Variants in KCNU1 observed in about 807,000 individuals in gnomAD.
The protein encoded by KCNU1 is potassium channel subfamily U member 1.
Under a neutral mutation model 126.8 loss-of-function variants are expected in KCNU1, and 93 were observed. The observed-to-expected ratio is 0.73, with a 90% CI of 0.62 to 0.87. The LOEUF (loss-of-function observed/expected upper bound fraction) is 0.87. Among genes scored for constraint, KCNU1 ranks in the 40% least tolerant of loss-of-function variants. The pLI, the probability that KCNU1 is intolerant of heterozygous loss-of-function variation, is 0.00. For synonymous variants in KCNU1, 523 were observed against 494.2 expected (o/e 1.06, Z -0.77); for missense variants, 1,330 against 1,367.1 (o/e 0.97, Z 0.43).
chr8:36,925,257 T>C (rs1053359620), intron 24 of KCNU1, among the ~76,000 whole-genome samples: 1 of 152,186 alleles, frequency 6.6e-6, no homozygotes, highest in African/African-American at 2.4e-5. Flanking sequence ...GATCATCAGC[T>C]TCGCCTTCAG....
At chr8:36,822,682 A>G (rs941699188) in intron 10 of KCNU1, among the ~76,000 whole-genome samples, 2 of 152,212 alleles carry the variant, frequency 1.3e-5, no homozygotes, top group Non-Finnish European at 2.9e-5. Flanking sequence ...TGCATGCAAG[A>G]AAAACTATGA....
At chr8:36,817,571 C>A in intron 9 of KCNU1, 79 bp from the exon 10 acceptor site, 1 of 649,760 alleles carries the variant, frequency 1.5e-6, no homozygotes, top group Non-Finnish European at 2.8e-6. Context: ...AAGTTTAAGC[C>A]AATTATTTAT....
At chr8:36,933,779 C>A (rs1808774057) in intron 26 of KCNU1, among the ~76,000 whole-genome samples, 1 of 151,942 alleles carries the variant, frequency 6.6e-6, no homozygotes, top group South Asian at 2.1e-4. Context: ...TTTTGGCCCA[C>A]AGGAGAAAAG....
chr8:36,855,050 T>C (rs1805482497), intron 18 of KCNU1, among the ~76,000 whole-genome samples: 1 of 152,134 alleles, frequency 6.6e-6, no homozygotes, highest in African/African-American at 2.4e-5. Context: ...AGCTGTAAAG[T>C]TGACAACTGT....
chr8:36,933,747 A>C (rs760453495), intron 26 of KCNU1, among the ~76,000 whole-genome samples: 33 of 152,138 alleles, frequency 2.2e-4, no homozygotes, highest in Non-Finnish European at 3.5e-4. Flanking sequence ...GGTCTTGAAT[A>C]GAAAAATAAC....
chr8:36,862,534 C>A (rs773768958), intron 18 of KCNU1, among the ~76,000 whole-genome samples: 1 of 152,168 alleles, frequency 6.6e-6, no homozygotes, highest in African/African-American at 2.4e-5. Context: ...GAAACATCAG[C>A]AATCCCCATA....
At chr8:36,791,612 A>G (rs945206960) in intron 2 of KCNU1, among the ~76,000 whole-genome samples, 6 of 152,164 alleles carry the variant, frequency 3.9e-5, no homozygotes, top group African/African-American at 1.2e-4. Flanking sequence ...TTTCAACCTT[A>G]GTATACAGAA....
intron 2 of KCNU1, among the ~76,000 whole-genome samples, chr8:36,797,728 T>C (rs577684011): frequency 1.3e-5 from 2 of 152,160 alleles, no homozygotes; most frequent in African/African-American, 2.4e-5. Flanking sequence ...AAAAAGTTTT[T>C]TTCTTGCTCT....
At chr8:36,933,061 C>A (rs1241297144) in intron 26 of KCNU1, 29 bp downstream of exon 26, 2 of 1,304,646 alleles carry the variant, frequency 1.5e-6, no homozygotes, top group Non-Finnish European at 2.2e-6. Flanking sequence ...AAAGCACCAT[C>A]CACCCATTCA....
chr8:36,809,338 G>T (rs1323456814), intron 7 of KCNU1, among the ~76,000 whole-genome samples: 3 of 152,098 alleles, frequency 2.0e-5, no homozygotes, highest in Non-Finnish European at 4.4e-5. Context: ...GGAACTCCTG[G>T]ACTTTACTTC....
At position 36,806,317 on chromosome 8, in the gene KCNU1, A is replaced by G. The variant is rs1489034324; in HGVS notation, c.517A>G (p.Ile173Val). 6.2e-6 allele frequency: 10 copies of G among 1,611,736 alleles called. No homozygotes were observed. The highest frequency in any genetic ancestry group is 8.5e-6 in the Non-Finnish European group (10 of 1,178,926). The change falls in exon 5 of 27, where the codon ATC becomes GTC. Residue 173 changes from isoleucine (I) to valine (V), a missense_variant. Ile to Val is a conservative substitution (Grantham distance 29, BLOSUM62 3). Transcript: ENST00000399881. Reference protein sequence around the residue: ...KIKFWLEMNSIVDIFTIPPTF... With the variant: ...KIKFWLEMNSVVDIFTIPPTF... ...CAAGTTCTGGCTGGAGATGAATTCA[A>G]TCGTAGACATCTTTACCATCCCACC...
intron 19 of KCNU1, among the ~76,000 whole-genome samples, chr8:36,902,045 C>G (rs1262080405): frequency 6.6e-6 from 1 of 152,102 alleles, no homozygotes; most frequent in Non-Finnish European, 1.5e-5. Flanking sequence ...AGGATCATGA[C>G]ATTTGCAAAG....
chr8:36,896,057 G>A (rs986126862), intron 19 of KCNU1, among the ~76,000 whole-genome samples: 10 of 151,768 alleles, frequency 6.6e-5, no homozygotes, highest in African/African-American at 2.4e-4. Context: ...AATTAATTTT[G>A]ATTATAGAGA....
chr8:36,873,602 C>T (rs1035541874), intron 19 of KCNU1, among the ~76,000 whole-genome samples: 1 of 152,136 alleles, frequency 6.6e-6, no homozygotes, highest in South Asian at 2.1e-4. Context: ...GCACTTTTAA[C>T]AAATTCTTCT....
In KCNU1 at chr8:36,813,447, C is replaced by A. The variant is rs554576121; in HGVS notation, c.733-760C>A. On this transcript the variant is annotated intron_variant, in intron 7 of 26. Transcript: ENST00000399881. ...AGAAAAAAAGGTCTAAAAGAAAAAA[C>A]AAAGAAATAAATATTTTATTATAAA... Among the ~76,000 whole-genome samples the A allele has an allele frequency of 1.0e-3, 158 of 151,114 alleles. 1 individual carries two copies. Among genetic ancestry groups the A allele is most frequent in the Non-Finnish European group, 1.8e-4 (12 of 67,748 alleles).
intron 18 of KCNU1, among the ~76,000 whole-genome samples, chr8:36,856,444 T>G (rs1805531061): frequency 6.6e-6 from 1 of 152,220 alleles, no homozygotes; most frequent in Non-Finnish European, 1.5e-5. Flanking sequence ...TGTCACTGGT[T>G]GTTTAGTTAG....
In KCNU1 at chr8:36,922,584, G is replaced by C. The variant is rs368116235; in HGVS notation, c.2691G>C (p.Thr897=). The C allele has an allele frequency of 3.1e-6, 5 of 1,613,428 alleles. No individual in the cohort carries two copies. The highest frequency in any genetic ancestry group is 4.2e-6 in the Non-Finnish European group (5 of 1,179,732). Residue 897 remains threonine, a synonymous_variant, in exon 24 of 27, where the codon ACG becomes ACC. Transcript: ENST00000399881. The part of the protein sequence containing the change: ...TNLHLSTAFS[T]GTVFSGSFLD... ...TGCATCTCAGCACTGCCTTTTCTAC[G>C]GGCACTGTTTTTTCCGGCAGCTTCT...
chr8:36,819,444 C>G (rs1184602276), intron 10 of KCNU1, among the ~76,000 whole-genome samples: 1 of 152,034 alleles, frequency 6.6e-6, no homozygotes, highest in Non-Finnish European at 1.5e-5. Context: ...ACTCCTGTCC[C>G]CCTCAATCCT....
At chr8:36,796,105 C>A (rs10156326) in intron 2 of KCNU1, among the ~76,000 whole-genome samples, 38,243 of 152,022 alleles carry the variant, frequency 0.25, 5,915 homozygotes, top group African/African-American at 0.42. Flanking sequence ...TTCATCTTTT[C>A]AGTTGTTTAA....
Sources: gnomAD v4.1 joint callset for allele counts (sites outside exome capture counted in the v4.1 genomes callset) on GRCh38, gnomAD v4.1.1 for gene constraint, MANE v1.5 for transcripts, NCBI Gene and HGNC (gene_info 2026-07-23, HGNC 2026-07-21) for gene names.